C3orf70: variants seen among roughly 807,000 people sequenced by gnomAD.
C3orf70 encodes chromosome 3 open reading frame 70, also known as UPF0524 protein C3orf70.
Under a neutral mutation model 20.7 loss-of-function variants are expected in C3orf70, and 15 were observed. The ratio of observed to expected loss-of-function variants is 0.72; its 90% CI spans 0.48 to 1.11. The LOEUF (loss-of-function observed/expected upper bound fraction) is 1.11. C3orf70 is among the 50% of genes most tolerant of loss of function. The pLI, the probability that C3orf70 is intolerant of heterozygous loss-of-function variation, is 0.00. For synonymous variants in C3orf70, 161 were observed against 125.7 expected (o/e 1.28, Z -1.88); for missense variants, 332 against 317.6 (o/e 1.05, Z -0.34).
intron 1 of C3orf70, among the ~76,000 whole-genome samples, chr3:185,145,884 T>A (rs1716863868): frequency 6.6e-6 from 1 of 152,270 alleles, no homozygotes; most frequent in Non-Finnish European, 1.5e-5. Flanking sequence ...GAAGTTTACG[T>A]GCATCCATCA....
intron 1 of C3orf70, among the ~76,000 whole-genome samples, chr3:185,113,551 A>AAAT (rs1716118647): frequency 6.6e-6 from 1 of 152,236 alleles, no homozygotes; most frequent in Non-Finnish European, 1.5e-5. Context: ...AAGGACCTAT[A>AAAT]AATAACTAAC....
chr3:185,086,935 T>A (rs1297074500), intron 1 of C3orf70, among the ~76,000 whole-genome samples: 1 of 152,236 alleles, frequency 6.6e-6, no homozygotes, highest in Non-Finnish European at 1.5e-5. Flanking sequence ...GATATAGTTT[T>A]ATAGGGCTGT....
chr3:185,077,393 G>T lies in C3orf70; in HGVS notation c.*5614C>A, dbSNP rs1467909813. 6.6e-6 allele frequency among the ~76,000 whole-genome samples: 1 copy of T among 152,160 alleles called. No individual in the cohort carries two copies. The highest frequency in any genetic ancestry group is 6.5e-5 in the Admixed American group (1 of 15,284). On this transcript the variant is annotated 3_prime_UTR_variant, in exon 2 of 2. Transcript: ENST00000335012. Reference sequence around the variant, plus strand: ...CACTGGGTAAAGATGTGGACTTCTTGAGCTCTTTTCCTGATCTGTGAAATG... The same window carrying T: ...CACTGGGTAAAGATGTGGACTTCTTTAGCTCTTTTCCTGATCTGTGAAATG...
intron 1 of C3orf70, among the ~76,000 whole-genome samples, chr3:185,146,275 C>CTTTTTTTT (rs1431009979): frequency 8.7e-6 from 1 of 114,400 alleles, no homozygotes; most frequent in African/African-American, 3.3e-5. Flanking sequence ...TTACAACTCT[C>CTTTTTTTT]ATTTTTTTTT....
At chr3:185,136,571 T>C (rs1716626057) in intron 1 of C3orf70, among the ~76,000 whole-genome samples, 2 of 152,018 alleles carry the variant, frequency 1.3e-5, no homozygotes, top group Admixed American at 6.6e-5. Flanking sequence ...ATAAAAAAAT[T>C]AGCTGGGCCC....
At chr3:185,138,411 C>A in intron 1 of C3orf70, among the ~76,000 whole-genome samples, 1 of 148,840 alleles carries the variant, frequency 6.7e-6, no homozygotes. Context: ...TATGAAGTTA[C>A]AATTACCAGA....
At chr3:185,121,264 C>T (rs115871463) in intron 1 of C3orf70, among the ~76,000 whole-genome samples, 208 of 151,280 alleles carry the variant, frequency 1.4e-3, no homozygotes, top group African/African-American at 4.9e-3. Context: ...TAAAAGACTA[C>T]AAACTGGATT....
chr3:185,145,441 CTTATT>C (rs1335165707), intron 1 of C3orf70, among the ~76,000 whole-genome samples: 1 of 146,768 alleles, frequency 6.8e-6, no homozygotes, highest in Admixed American at 7.0e-5. Flanking sequence ...TTTTTTGCCT[CTTATT>C]TTAATTTTAT....
intron 1 of C3orf70, among the ~76,000 whole-genome samples, chr3:185,139,157 A>G (rs551276423): frequency 7.4e-6 from 1 of 134,460 alleles, no homozygotes; most frequent in Non-Finnish European, 1.7e-5. Flanking sequence ...GAGGAGGAGG[A>G]AGGAGGAGCA....
rs1431459845 is a variant in C3orf70, at chr3:185,080,366, T to C, written c.*2641A>G. ...AAAACAGGAACCTAGACAGAAGTCT[T>C]AGATGGTACTGAGAGACGGCCCAAG... On this transcript the variant is annotated 3_prime_UTR_variant, in exon 2 of 2. Coordinates refer to ENST00000335012, the MANE Select transcript of C3orf70 (RefSeq NM_001025266.3). 6.6e-6 allele frequency: 1 copy of C among 152,644 alleles called. No individual in the cohort carries two copies. The highest frequency in any genetic ancestry group is 2.4e-5 in the African/African-American group (1 of 41,452). The allele number at this position is 152,644 out of a possible 1,614,324, so 9.5% of individuals were successfully genotyped here.
intron 1 of C3orf70, among the ~76,000 whole-genome samples, chr3:185,088,686 T>G (rs34663127): frequency 2.0e-5 from 3 of 152,124 alleles, no homozygotes; most frequent in Non-Finnish European, 4.4e-5. Flanking sequence ...CTAGGTTTCT[T>G]CATTATAAAG....
chr3:185,138,475 G>A (rs547228822), intron 1 of C3orf70, among the ~76,000 whole-genome samples: 88 of 150,910 alleles, frequency 5.8e-4, no homozygotes, highest in Non-Finnish European at 9.4e-4. Flanking sequence ...AGCAACACCT[G>A]TCATAAAGAC....
At chr3:185,136,322 T>C (rs1716620061) in intron 1 of C3orf70, among the ~76,000 whole-genome samples, 1 of 152,200 alleles carries the variant, frequency 6.6e-6, no homozygotes, top group Non-Finnish European at 1.5e-5. Flanking sequence ...GCATGGTGGC[T>C]CACGCCTGTA....
chr3:185,134,882 C>A (rs1199893424), intron 1 of C3orf70, among the ~76,000 whole-genome samples: 1 of 152,076 alleles, frequency 6.6e-6, no homozygotes, highest in East Asian at 1.9e-4. Context: ...AGAGCAAAAA[C>A]TCCCACTCCC....
At chr3:185,114,680 G>A (rs1438792910) in intron 1 of C3orf70, among the ~76,000 whole-genome samples, 1 of 152,104 alleles carries the variant, frequency 6.6e-6, no homozygotes, top group Non-Finnish European at 1.5e-5. Flanking sequence ...TGAAACCATA[G>A]AAGCATAGGG....
chr3:185,118,746 A>G (rs1716233367), intron 1 of C3orf70, among the ~76,000 whole-genome samples: 1 of 152,216 alleles, frequency 6.6e-6, no homozygotes, highest in Non-Finnish European at 1.5e-5. Flanking sequence ...AAGTATCAGA[A>G]CACTAAATAA....
rs1202994982 is a variant in C3orf70 at position 185,152,946 on chromosome 3, C to CGCG, written c.-126_-124dup. 3.0e-5 allele frequency: 26 copies of CGCG among 877,574 alleles called. No homozygotes were observed. Among genetic ancestry groups the CGCG allele is most frequent in the African/African-American group, 7.2e-5 (4 of 55,660 alleles). 54.4% of individuals were successfully genotyped at this position (877,574 alleles called of 1,614,324 possible). On this transcript the variant is annotated 5_prime_UTR_variant, in exon 1 of 2. Transcript: ENST00000335012. ...GCACGGGCCGGGAGTCACGCCAGCACGCGGCGGCGGCGGGAGCGCGGCGGT... is the reference window on the plus strand; with the variant it reads ...GCACGGGCCGGGAGTCACGCCAGCACGCGGCGGCGGCGGCGGGAGCGCGGCGGT...
At chr3:185,089,692 C>CT (rs1246226126) in intron 1 of C3orf70, among the ~76,000 whole-genome samples, 3 of 152,140 alleles carry the variant, frequency 2.0e-5, no homozygotes, top group East Asian at 1.9e-4. Context: ...TATCTTTAAT[C>CT]TTTTTAAAGG....
In C3orf70 at chr3:185,083,016, C is replaced by T. The variant is rs542880085; in HGVS notation, c.744G>A (p.Thr248=). The part of the protein sequence containing the change: ...SDLEVIETIE[T]TV ...CTTCCTGTCTGGACTCTCACACAGT[C>T]GTTTCTATCGTTTCAATCACTTCCA... is the stretch of plus-strand genomic sequence containing the variant. The change falls in exon 2 of 2, where the codon ACG becomes ACA. Residue 248 remains threonine (T), a synonymous_variant. Coordinates refer to ENST00000335012, the MANE Select transcript of C3orf70 (RefSeq NM_001025266.3). 195 of 1,613,168 alleles carry T rather than the reference C, an allele frequency of 1.2e-4. 2 individuals carry two copies. The South Asian group carries it at 2.0e-3, about 16-fold the overall frequency.
Sources: gnomAD v4.1 joint callset for allele counts (sites outside exome capture counted in the v4.1 genomes callset) on GRCh38, gnomAD v4.1.1 for gene constraint, MANE v1.5 for transcripts, NCBI Gene and HGNC (gene_info 2026-07-23, HGNC 2026-07-21) for gene names.